Variants in ALPK2 observed in about 807,000 individuals in gnomAD.
The protein encoded by ALPK2 is alpha-protein kinase 2.
A neutral mutation model predicts 163.1 loss-of-function variants in ALPK2; 127 were observed. That is an observed-to-expected ratio of 0.78 (90% confidence interval 0.67 to 0.90). The LOEUF is 0.90. ALPK2 is among the 40% of genes least tolerant of loss of function. The probability of loss-of-function intolerance (pLI) is 0.00; values close to 1 mark genes in which losing one functional copy is unlikely to be tolerated. For synonymous variants in ALPK2, 953 were observed against 959.1 expected, an observed-to-expected ratio of 0.99 and a Z score of 0.12; for missense variants, 2,360 against 2,589.6, an observed-to-expected ratio of 0.91 and a Z score of 1.92.
intron 4 of ALPK2, chr18:58,544,097 G>A (rs2051705250): frequency 6.6e-6 from 1 of 152,156 alleles, no homozygotes; most frequent in Non-Finnish European, 1.5e-5. Context: ...CTAGCACATA[G>A]GGACTCAAAT....
In ALPK2 at chr18:58,579,884, G is replaced by C; in HGVS notation, c.892C>G (p.Gln298Glu). ...SAVANKQPSP[Q>E]LSSEDSDSDY... The stretch of plus-strand genomic sequence containing the variant: ...CTGTCAGAGTCTTCACTGGAAAGCT[G>C]TGGGCTGGGTTGTTTGTTGGCCACG... The change falls in exon 4 of 13, where the codon CAG (glutamine) becomes GAG (glutamate). Residue 298 changes from glutamine to glutamate, a missense_variant. Gln to Glu is a conservative substitution (Grantham distance 29). Transcript: ENST00000361673. 1 of 1,614,230 alleles carries C rather than the reference G, an allele frequency of 6.2e-7. No homozygotes were observed. The highest frequency in any genetic ancestry group is 8.5e-7 in the Non-Finnish European group (1 of 1,180,032).
chr18:58,502,910 C>T (rs917832648), intron 11 of ALPK2, among the ~76,000 whole-genome samples: 2 of 152,232 alleles, frequency 1.3e-5, no homozygotes, highest in South Asian at 2.1e-4. Flanking sequence ...ATACACACTC[C>T]GGCTCCCTCA....
chr18:58,595,113 G>A (rs2052034547), intron 3 of ALPK2, among the ~76,000 whole-genome samples: 1 of 152,160 alleles, frequency 6.6e-6, no homozygotes, highest in Admixed American at 6.5e-5. Context: ...AAGAGAACCT[G>A]CCTTCCCCAG....
intron 3 of ALPK2, among the ~76,000 whole-genome samples, chr18:58,597,613 C>G (rs946631748): frequency 6.6e-6 from 1 of 152,196 alleles, no homozygotes; most frequent in Non-Finnish European, 1.5e-5. Context: ...CTTACACTCT[C>G]ACAGAGTGCT....
rs1394588027 is a variant in ALPK2, at chr18:58,580,565, A to G, written c.228-17T>C. 1.9e-6 allele frequency: 3 copies of G among 1,597,168 alleles called. No individual in the cohort carries two copies. The South Asian group carries it at 3.4e-5, about 18-fold the overall frequency. On this transcript the variant is annotated splice_polypyrimidine_tract_variant and intron_variant, in intron 3 of 12. Coordinates refer to ENST00000361673, the MANE Select transcript of ALPK2 (RefSeq NM_052947.4). ...TTGGTACAGCTAGGATGAAGAGAAT[A>G]TATAGATAAGTTTGCCACATTTGGA...
intron 4 of ALPK2, 151 bp from the exon 5 acceptor site, chr18:58,538,375 G>A: frequency 1.4e-6 from 1 of 735,178 alleles, no homozygotes; most frequent in Non-Finnish European, 2.1e-6. Context: ...ACTCCCTCTA[G>A]CTATTAGAGA....
chr18:58,565,560 A>T (rs1228727747), intron 4 of ALPK2, among the ~76,000 whole-genome samples: 3 of 152,158 alleles, frequency 2.0e-5, no homozygotes, highest in African/African-American at 7.2e-5. Flanking sequence ...AAATAATTCA[A>T]TTGTTACGGA....
chr18:58,557,405 T>C (rs2051798944), intron 4 of ALPK2, among the ~76,000 whole-genome samples: 1 of 152,028 alleles, frequency 6.6e-6, no homozygotes, highest in African/African-American at 2.4e-5. Flanking sequence ...GGAACCCTCA[T>C]GTAAATCATG....
Position 58,498,117 on chromosome 18 carries a change from AG to A in ALPK2, c.6248-21del. On this transcript the variant is annotated intron_variant, in intron 11 of 12. Transcript: ENST00000361673. ...CTACACCTACAGGAAGAGAAAGCAA[AG>A]ATGGGAGTTTGTGTTACTCAGGGCC... 6.2e-7 allele frequency: 1 copy of A among 1,613,998 alleles called. No homozygotes were observed. The highest frequency in any genetic ancestry group is 8.5e-7 in the Non-Finnish European group (1 of 1,179,878).
intron 1 of ALPK2, among the ~76,000 whole-genome samples, chr18:58,614,242 G>C (rs2052151988): frequency 6.6e-6 from 1 of 152,206 alleles, no homozygotes; most frequent in African/African-American, 2.4e-5. Flanking sequence ...AGGTTTGAGA[G>C]ACATACCTGC....
intron 4 of ALPK2, among the ~76,000 whole-genome samples, chr18:58,558,240 G>A (rs2051805027): frequency 6.6e-6 from 1 of 152,080 alleles, no homozygotes; most frequent in African/African-American, 2.4e-5. Flanking sequence ...AGAATAATTA[G>A]CATCCAAATT....
At chr18:58,587,012 G>T (rs182595799) in intron 3 of ALPK2, among the ~76,000 whole-genome samples, 1 of 152,126 alleles carries the variant, frequency 6.6e-6, no homozygotes, top group South Asian at 2.1e-4. Flanking sequence ...TTCTGAGCTC[G>T]CAGCTCTAAC....
intron 4 of ALPK2, among the ~76,000 whole-genome samples, chr18:58,545,901 A>G (rs563803334): frequency 5.9e-5 from 9 of 152,186 alleles, no homozygotes; most frequent in African/African-American, 2.2e-4. Context: ...TTTCCTAAAT[A>G]TCTGCTGAGC....
intron 4 of ALPK2, among the ~76,000 whole-genome samples, chr18:58,565,709 A>G (rs1038705837): frequency 1.2e-4 from 18 of 152,042 alleles, no homozygotes; most frequent in African/African-American, 3.6e-4. Context: ...TGTAATCAAA[A>G]TTATTGATAT....
At chr18:58,510,985 C>T (rs2144119731) in intron 10 of ALPK2, among the ~76,000 whole-genome samples, 1 of 152,280 alleles carries the variant, frequency 6.6e-6, no homozygotes, top group East Asian at 1.9e-4. Flanking sequence ...GGAATGCTTC[C>T]AGTTTTTGCC....
intron 3 of ALPK2, among the ~76,000 whole-genome samples, chr18:58,590,079 G>C (rs2052007030): frequency 6.6e-6 from 1 of 152,104 alleles, no homozygotes; most frequent in Non-Finnish European, 1.5e-5. Flanking sequence ...AAATTAGCCA[G>C]GTGTGGTGGC....
intron 4 of ALPK2, among the ~76,000 whole-genome samples, chr18:58,553,638 C>T (rs567908999): frequency 4.6e-5 from 7 of 152,158 alleles, no homozygotes; most frequent in Non-Finnish European, 4.4e-5. Flanking sequence ...TGACTTCTCA[C>T]GAGATCTGAT....
chr18:58,559,315 G>T (rs572083099), intron 4 of ALPK2, among the ~76,000 whole-genome samples: 3 of 152,244 alleles, frequency 2.0e-5, no homozygotes, highest in African/African-American at 7.2e-5. Context: ...CAGCTGCCCG[G>T]AACAAAGAAT....
Position 58,579,498 on chromosome 18 carries a change from T to A in ALPK2, c.1278A>T (p.Gln426His). The change falls in exon 4 of 13, where the codon CAA becomes CAT. Residue 426 changes from glutamine (Q) to histidine (H), a missense_variant. By Grantham distance (24) the Gln-to-His change is conservative. Coordinates refer to ENST00000361673, the MANE Select transcript of ALPK2 (RefSeq NM_052947.4). ...RVSKHGPSSP[Q>H]TGMTLILGPH... ...GTCCCAAAATGAGAGTCATCCCTGTTTGTGGGGATGAGGGACCGTGCTTGG... is the reference window on the plus strand; with the variant it reads ...GTCCCAAAATGAGAGTCATCCCTGTATGTGGGGATGAGGGACCGTGCTTGG... The A allele has an allele frequency of 6.2e-7, 1 of 1,614,068 alleles. No individual in the cohort carries two copies. Among genetic ancestry groups the A allele is most frequent in the South Asian group, 1.1e-5 (1 of 91,058 alleles).
Sources: allele counts gnomAD v4.1 joint callset (sites outside exome capture counted in the v4.1 genomes callset), GRCh38; gene constraint gnomAD v4.1.1; transcripts MANE v1.5; gene names NCBI Gene and HGNC (gene_info 2026-07-23, HGNC 2026-07-21).